M1AP: variants seen among roughly 807,000 people sequenced by gnomAD.
The protein encoded by M1AP is meiosis 1 arrest protein.
M1AP carries 39 observed loss-of-function variants against 51.2 expected under a neutral mutation model. The observed-to-expected ratio is 0.76, with a 90% CI of 0.59 to 1.00. The LOEUF (loss-of-function observed/expected upper bound fraction) is 1.00. Among genes scored for constraint, M1AP ranks in the 50% least tolerant of loss-of-function variants. The pLI is 0.00. For synonymous variants in M1AP, 251 were observed against 249.2 expected, an observed-to-expected ratio of 1.01 and a Z score of -0.07; for missense variants, 545 against 641.2, an observed-to-expected ratio of 0.85 and a Z score of 1.62.
chr2:74,573,931 T>G (rs1678901910), intron 7 of M1AP, among the ~76,000 whole-genome samples: 1 of 152,324 alleles, frequency 6.6e-6, no homozygotes, highest in African/African-American at 2.4e-5. Flanking sequence ...ATGTGATGTA[T>G]CATCTCAGAT....
At chr2:74,592,326 T>C (rs970972321) in intron 4 of M1AP, among the ~76,000 whole-genome samples, 2 of 152,226 alleles carry the variant, frequency 1.3e-5, no homozygotes, top group African/African-American at 4.8e-5. Context: ...TTTTTAACTT[T>C]TGCCAATCTA....
chr2:74,588,857 C>T (rs1679870907), intron 4 of M1AP, among the ~76,000 whole-genome samples: 2 of 152,202 alleles, frequency 1.3e-5, no homozygotes, highest in African/African-American at 4.8e-5. Context: ...TTTGCTTAGT[C>T]ATTCATTTAT....
Position 74,614,876 on chromosome 2 carries a change from G to GCT in M1AP, c.426+87_426+88insAG, listed in dbSNP as rs1681574077. On this transcript the variant is annotated intron_variant, in intron 3 of 10. Coordinates refer to ENST00000421985, the MANE Select transcript of M1AP (RefSeq NM_001321739.2). Reference sequence around the variant, plus strand: ...AATATTACATCTAGAGTGAATGAAAGATAGAACAATGTAAAGATGATAAAC... The same window carrying GCT: ...AATATTACATCTAGAGTGAATGAAAGCTATAGAACAATGTAAAGATGATAAAC... 4.8e-5 allele frequency: 59 copies of GCT among 1,231,840 alleles called. No homozygotes were observed. The South Asian group carries it at 7.3e-4, about 15-fold the overall frequency. 76.3% of individuals were successfully genotyped at this position (1,231,840 alleles called of 1,614,324 possible).
chr2:74,633,296 T>C (rs543864163), intron 2 of M1AP, among the ~76,000 whole-genome samples: 1 of 152,338 alleles, frequency 6.6e-6, no homozygotes, highest in African/African-American at 2.4e-5. Context: ...TAGGCCCATC[T>C]GTGCACTTCC....
At chr2:74,640,665 C>T (rs1323711879) in intron 1 of M1AP, among the ~76,000 whole-genome samples, 1 of 152,038 alleles carries the variant, frequency 6.6e-6, no homozygotes, top group Non-Finnish European at 1.5e-5. Context: ...ACCATGTTGG[C>T]CAGGATGGTC....
At chr2:74,622,539 C>A (rs895150526) in intron 2 of M1AP, among the ~76,000 whole-genome samples, 1 of 140,960 alleles carries the variant, frequency 7.1e-6, no homozygotes, top group South Asian at 2.2e-4. Context: ...CCGGCCATTG[C>A]CTGCTTTTTT....
At chr2:74,643,337 T>C (rs977897545) in intron 1 of M1AP, among the ~76,000 whole-genome samples, 2 of 152,130 alleles carry the variant, frequency 1.3e-5, no homozygotes, top group Non-Finnish European at 2.9e-5. Flanking sequence ...TGGATGATTC[T>C]AAGAAACATA....
At chr2:74,564,391 C>T (rs1678237897) in intron 7 of M1AP, among the ~76,000 whole-genome samples, 1 of 152,114 alleles carries the variant, frequency 6.6e-6, no homozygotes. Flanking sequence ...GGTTGCTGAC[C>T]TCTTTGTGGG....
chr2:74,646,147 G>C (rs906685680), intron 1 of M1AP, among the ~76,000 whole-genome samples: 1 of 152,170 alleles, frequency 6.6e-6, no homozygotes. Flanking sequence ...TTGGTGACCC[G>C]TCACTGCAGA....
intron 4 of M1AP, among the ~76,000 whole-genome samples, chr2:74,582,168 C>T (rs893921222): frequency 6.6e-6 from 1 of 152,166 alleles, no homozygotes. Context: ...CTCTTGGCCT[C>T]AAAGCAATCT....
Position 74,599,536 on chromosome 2 carries a change from T to C in M1AP, c.595+7519A>G, listed in dbSNP as rs930366624. Among the ~76,000 whole-genome samples, 3 of 152,196 alleles carry C rather than the reference T, an allele frequency of 2.0e-5. No homozygotes were observed. In the South Asian group the frequency reaches 6.2e-4, roughly 31 times the overall value. On this transcript the variant is annotated intron_variant, in intron 4 of 10. Transcript: ENST00000421985. Reference sequence around the variant, plus strand: ...CCACCCTTTTCACACTGCTCTGCCATGTCAGCCAAGCCACATATCAAGTTT... The same window carrying C: ...CCACCCTTTTCACACTGCTCTGCCACGTCAGCCAAGCCACATATCAAGTTT...
chr2:74,609,919 C>G (rs1681227827), intron 3 of M1AP, among the ~76,000 whole-genome samples: 1 of 152,014 alleles, frequency 6.6e-6, no homozygotes, highest in South Asian at 2.1e-4. Context: ...TGTTTGAGTT[C>G]CTTATATATT....
At chr2:74,614,454 T>C (rs1021616261) in intron 3 of M1AP, among the ~76,000 whole-genome samples, 19 of 152,198 alleles carry the variant, frequency 1.2e-4, no homozygotes, top group Admixed American at 6.5e-5. Flanking sequence ...CACTTACTCA[T>C]GTACCCAATG....
chr2:74,565,410 A>G (rs1678310046), intron 7 of M1AP, among the ~76,000 whole-genome samples: 1 of 152,224 alleles, frequency 6.6e-6, no homozygotes, highest in Non-Finnish European at 1.5e-5. Flanking sequence ...AAAATGAATT[A>G]TATACTGCAA....
chr2:74,647,737 T>TA (rs201656612), intron 1 of M1AP, among the ~76,000 whole-genome samples: 1,708 of 151,902 alleles, frequency 0.011, 24 homozygotes, highest in African/African-American at 0.026. Context: ...ACTAAAAATA[T>TA]AAAAAAATTA....
intron 5 of M1AP, among the ~76,000 whole-genome samples, chr2:74,577,394 C>T (rs1679138857): frequency 6.6e-6 from 1 of 152,200 alleles, no homozygotes; most frequent in South Asian, 2.1e-4. Context: ...GTTACACAAG[C>T]TTAAATCCTT....
At chr2:74,630,710 AT>A (rs969439524) in intron 2 of M1AP, among the ~76,000 whole-genome samples, 18 of 150,074 alleles carry the variant, frequency 1.2e-4, no homozygotes, top group Non-Finnish European at 1.9e-4. Context: ...TATGTACCAC[AT>A]TTTTTTTTAA....
In M1AP at chr2:74,560,292, C is replaced by G. The variant is rs77403431; in HGVS notation, c.1282-1G>C. On this transcript the variant is annotated splice_acceptor_variant, in intron 8 of 10. Coordinates refer to ENST00000421985, the MANE Select transcript of M1AP (RefSeq NM_001321739.2). LOFTEE classifies it high-confidence loss of function. Reference sequence around the variant, plus strand: ...CCAGCTCCAGGCTGTCCAGCATGCTCTGAGGAAAAGAGAGGAGGGGCCTCA... The same window carrying G: ...CCAGCTCCAGGCTGTCCAGCATGCTGTGAGGAAAAGAGAGGAGGGGCCTCA... 1 of 1,589,864 alleles carries G rather than the reference C, an allele frequency of 6.3e-7. No homozygotes were observed. Among genetic ancestry groups the G allele is most frequent in the East Asian group, 2.2e-5 (1 of 44,602 alleles).
chr2:74,605,736 T>C (rs1680935477), intron 4 of M1AP, among the ~76,000 whole-genome samples: 1 of 151,826 alleles, frequency 6.6e-6, no homozygotes, highest in African/African-American at 2.4e-5. Flanking sequence ...CTGTCTCTAC[T>C]AAAAATACAA....
Sources: gnomAD v4.1 joint callset for allele counts (sites outside exome capture counted in the v4.1 genomes callset) on GRCh38, gnomAD v4.1.1 for gene constraint, MANE v1.5 for transcripts, NCBI Gene and HGNC (gene_info 2026-07-23, HGNC 2026-07-21) for gene names.